The following GALNT13 variants were observed in gnomAD, a reference collection of about 807,000 sequenced individuals.
The protein encoded by GALNT13 is polypeptide N-acetylgalactosaminyltransferase 13, also known as UDP-GalNAc:polypeptide N-acetylgalactosaminyltransferase 13.
In GALNT13, 28 loss-of-function variants were observed where a neutral mutation model predicts 64.2. The observed-to-expected ratio is 0.44, with a 90% CI of 0.32 to 0.60. The LOEUF is 0.60. Among genes scored for constraint, GALNT13 ranks in the 20% least tolerant of loss-of-function variants. The probability of loss-of-function intolerance (pLI) is 0.05; values close to 1 mark genes in which losing one functional copy is unlikely to be tolerated. For missense variants in GALNT13, 577 were observed against 669.8 expected (o/e 0.86, Z 1.53); for synonymous variants, 214 against 224.6 (o/e 0.95, Z 0.42).
the GALNT13 span, among the ~76,000 whole-genome samples, chr2:153,225,569 G>A: frequency 6.6e-6 from 1 of 152,058 alleles, no homozygotes. Context: ...TGACATGATT[G>A]TCTACAAAAA....
intron 8 of GALNT13, among the ~76,000 whole-genome samples, chr2:154,259,761 CAT>C (rs1690588556): frequency 6.6e-6 from 1 of 152,128 alleles, no homozygotes; most frequent in Non-Finnish European, 1.5e-5. Context: ...AAAATGAACA[CAT>C]AAGTTTTCTT....
chr2:153,610,410 C>T, the GALNT13 span, among the ~76,000 whole-genome samples: 1 of 152,174 alleles, frequency 6.6e-6, no homozygotes, highest in Non-Finnish European at 1.5e-5. Flanking sequence ...CGCTGTGGCT[C>T]ACACCTGTAA....
the GALNT13 span, among the ~76,000 whole-genome samples, chr2:153,256,464 G>A: frequency 6.6e-6 from 1 of 152,182 alleles, no homozygotes; most frequent in South Asian, 2.1e-4. Flanking sequence ...TCTTCTCTCA[G>A]CTCCTCAACG....
the GALNT13 span, among the ~76,000 whole-genome samples, chr2:153,588,867 T>C: frequency 6.6e-6 from 1 of 152,202 alleles, no homozygotes; most frequent in Admixed American, 6.5e-5. Flanking sequence ...GATTTGCTGC[T>C]TAGAAATTTC....
At chr2:153,237,062 TGTG>T in the GALNT13 span, among the ~76,000 whole-genome samples, 1 of 152,046 alleles carries the variant, frequency 6.6e-6, no homozygotes, top group Non-Finnish European at 1.5e-5. Context: ...TAACTGCAGA[TGTG>T]GTGGGAATAG....
the GALNT13 span, among the ~76,000 whole-genome samples, chr2:153,649,570 T>G: frequency 6.7e-6 from 1 of 149,390 alleles, no homozygotes; most frequent in Admixed American, 6.8e-5. Context: ...GTGTCAATTT[T>G]GGATCTTTCC....
At chr2:153,629,594 A>G in the GALNT13 span, among the ~76,000 whole-genome samples, 1 of 152,200 alleles carries the variant, frequency 6.6e-6, no homozygotes, top group African/African-American at 2.4e-5. Flanking sequence ...ATGGGCAAGG[A>G]CTTCATGTCT....
At chr2:153,377,844 A>C in the GALNT13 span, among the ~76,000 whole-genome samples, 1 of 152,330 alleles carries the variant, frequency 6.6e-6, no homozygotes, top group Non-Finnish European at 1.5e-5. Context: ...CAGATTAACA[A>C]TAAAGAGAGT....
At chr2:154,282,198 A>G (rs1265880239) in intron 8 of GALNT13, among the ~76,000 whole-genome samples, 2 of 152,144 alleles carry the variant, frequency 1.3e-5, no homozygotes, top group African/African-American at 4.8e-5. Flanking sequence ...AAAGGAGAAC[A>G]AAAGTGCTCT....
chr2:154,064,113 C>T (rs1700335497), intron 3 of GALNT13, among the ~76,000 whole-genome samples: 1 of 152,128 alleles, frequency 6.6e-6, no homozygotes, highest in African/African-American at 2.4e-5. Context: ...CATTAGAACC[C>T]AGCACTTCCC....
At chr2:153,636,850 A>T in the GALNT13 span, among the ~76,000 whole-genome samples, 1 of 151,664 alleles carries the variant, frequency 6.6e-6, no homozygotes, top group African/African-American at 2.4e-5. Context: ...GGCAAGATAA[A>T]TCAGTTGACA....
At chr2:153,120,074 G>C in the GALNT13 span, among the ~76,000 whole-genome samples, 1 of 152,138 alleles carries the variant, frequency 6.6e-6, no homozygotes, top group Non-Finnish European at 1.5e-5. Context: ...AATAAACAAA[G>C]TTTTGAGTGT....
the GALNT13 span, among the ~76,000 whole-genome samples, chr2:153,591,543 G>A: frequency 1.2e-4 from 19 of 152,092 alleles, no homozygotes; most frequent in Non-Finnish European, 2.2e-4. Flanking sequence ...CTGACTTCAA[G>A]TTAGATTACA....
At chr2:153,726,414 A>G in the GALNT13 span, among the ~76,000 whole-genome samples, 1 of 152,070 alleles carries the variant, frequency 6.6e-6, no homozygotes, top group Non-Finnish European at 1.5e-5. Flanking sequence ...TCATGTAGCC[A>G]TAATTTGAAA....
At chr2:154,045,130 C>G (rs1485022955) in intron 3 of GALNT13, among the ~76,000 whole-genome samples, 3 of 152,076 alleles carry the variant, frequency 2.0e-5, no homozygotes, top group Non-Finnish European at 4.4e-5. Flanking sequence ...TAAGGTGAGG[C>G]AAATTTATAG....
chr2:153,238,388 A>T, the GALNT13 span, among the ~76,000 whole-genome samples: 1 of 151,936 alleles, frequency 6.6e-6, no homozygotes, highest in Non-Finnish European at 1.5e-5. Context: ...GTGGGGTATT[A>T]CTGAAGGAAT....
chr2:153,214,750 T>C, the GALNT13 span, among the ~76,000 whole-genome samples: 1 of 152,220 alleles, frequency 6.6e-6, no homozygotes, highest in Admixed American at 6.5e-5. Flanking sequence ...GACTTAGAAG[T>C]CGACTGTGAA....
chr2:153,708,503 A>C, the GALNT13 span, among the ~76,000 whole-genome samples: 293 of 152,276 alleles, frequency 1.9e-3, 3 homozygotes, highest in African/African-American at 6.9e-3. Flanking sequence ...CATGGCAATC[A>C]GTCTTTAAAC....
chr2:153,923,975 A>G (rs1030748771), intron 2 of GALNT13, among the ~76,000 whole-genome samples: 13 of 151,996 alleles, frequency 8.6e-5, no homozygotes, highest in Non-Finnish European at 1.8e-4. Context: ...AGTCTTTGCT[A>G]TTGTGAATAG....
Sources: allele counts gnomAD v4.1 joint callset (sites outside exome capture counted in the v4.1 genomes callset), GRCh38; gene constraint gnomAD v4.1.1; transcripts MANE v1.5; gene names NCBI Gene and HGNC (gene_info 2026-07-23, HGNC 2026-07-21).